ENTREP1: variants seen among roughly 807,000 people sequenced by gnomAD.
ENTREP1 encodes the protein Friedreich ataxia region gene X123.
chr9:69,360,741 G>C, the ENTREP1 span, among the ~76,000 whole-genome samples: 2 of 151,924 alleles, frequency 1.3e-5, no homozygotes, highest in African/African-American at 4.8e-5. Context: ...TATCTTGGGC[G>C]TTCCCTTAAC....
At chr9:69,378,542 C>T in the ENTREP1 span, among the ~76,000 whole-genome samples, 1 of 151,800 alleles carries the variant, frequency 6.6e-6, no homozygotes, top group African/African-American at 2.4e-5. Flanking sequence ...CTGAGGCGGG[C>T]AGATCATGAG....
chr9:69,384,122 C>A, the ENTREP1 span: 1 of 851,550 alleles, frequency 1.2e-6, no homozygotes, highest in Non-Finnish European at 1.9e-6. Context: ...CTTTGGGAGG[C>A]CGAGGTGGGA....
At chr9:69,362,881 T>C in the ENTREP1 span, among the ~76,000 whole-genome samples, 4 of 152,200 alleles carry the variant, frequency 2.6e-5, no homozygotes, top group Admixed American at 2.6e-4. Flanking sequence ...TCCGAGTTCT[T>C]CAGCTTTGGG....
chr9:69,357,508 G>T, the ENTREP1 span, among the ~76,000 whole-genome samples: 4 of 152,150 alleles, frequency 2.6e-5, no homozygotes, highest in Non-Finnish European at 5.9e-5. Flanking sequence ...TCACAGCAAC[G>T]GGCCTGTGTT....
the ENTREP1 span, chr9:69,325,336 C>G: frequency 8.4e-7 from 1 of 1,184,204 alleles, no homozygotes; most frequent in East Asian, 3.6e-5. Context: ...TGCTCCCGGG[C>G]TCCTGCTGCC....
At chr9:69,328,739 C>A in the ENTREP1 span, among the ~76,000 whole-genome samples, 5 of 152,138 alleles carry the variant, frequency 3.3e-5, no homozygotes, top group Non-Finnish European at 7.4e-5. Flanking sequence ...TATTCACATG[C>A]CATACAACTT....
At chr9:69,336,317 T>A in the ENTREP1 span, 1 of 1,201,992 alleles carries the variant, frequency 8.3e-7, no homozygotes, top group East Asian at 2.4e-5. Context: ...ATGTGCTATG[T>A]ATGAAGTCTG....
chr9:69,345,911 T>C, the ENTREP1 span, among the ~76,000 whole-genome samples: 2 of 151,400 alleles, frequency 1.3e-5, no homozygotes, highest in Non-Finnish European at 2.9e-5. Flanking sequence ...GCCTACCTTC[T>C]TATTCTTATT....
At chr9:69,387,984 G>A in the ENTREP1 span, 1 of 1,489,316 alleles carries the variant, frequency 6.7e-7, no homozygotes, top group Non-Finnish European at 9.0e-7. Flanking sequence ...GGACTTCAGG[G>A]AATAACCTTG....
At chr9:69,327,320 T>C in the ENTREP1 span, among the ~76,000 whole-genome samples, 1 of 152,084 alleles carries the variant, frequency 6.6e-6, no homozygotes, top group Non-Finnish European at 1.5e-5. Context: ...CCAGACAAGG[T>C]AGGAATTAGA....
the ENTREP1 span, chr9:69,381,898 T>G: frequency 6.6e-6 from 1 of 152,228 alleles, no homozygotes; most frequent in African/African-American, 2.4e-5. Flanking sequence ...CTTTCCCCAG[T>G]TGTTCTTCGG....
chr9:69,382,931 T>C, the ENTREP1 span: 5 of 739,772 alleles, frequency 6.8e-6, no homozygotes, highest in Non-Finnish European at 8.3e-6. Context: ...CTGGCTTTTA[T>C]ATGTATTTTA....
chr9:69,328,697 G>T, the ENTREP1 span, among the ~76,000 whole-genome samples: 1 of 151,972 alleles, frequency 6.6e-6, no homozygotes, highest in South Asian at 2.1e-4. Flanking sequence ...GTTGAGAACT[G>T]CAGAATTAAA....
At chr9:69,392,052 T>A in the ENTREP1 span, 1 of 546,662 alleles carries the variant, frequency 1.8e-6, no homozygotes. Context: ...CTTCCTCTGC[T>A]GGGCCTCGCA....
At chr9:69,327,709 G>A in the ENTREP1 span, among the ~76,000 whole-genome samples, 1 of 152,094 alleles carries the variant, frequency 6.6e-6, no homozygotes, top group African/African-American at 2.4e-5. Flanking sequence ...CTTGTCTCCA[G>A]GTCTGGGCAC....
chr9:69,382,956 A>T, the ENTREP1 span: 1 of 933,802 alleles, frequency 1.1e-6, no homozygotes, highest in Non-Finnish European at 1.3e-6. Context: ...TTATTTTAAA[A>T]CTTAGGTTCA....
chr9:69,331,251 T>C, the ENTREP1 span, among the ~76,000 whole-genome samples: 1 of 152,244 alleles, frequency 6.6e-6, no homozygotes, highest in Non-Finnish European at 1.5e-5. Flanking sequence ...ACAGCAGCTT[T>C]TGATAAATGA....
chr9:69,337,251 G>T, the ENTREP1 span, among the ~76,000 whole-genome samples: 279 of 151,616 alleles, frequency 1.8e-3, no homozygotes, highest in African/African-American at 6.2e-3. Flanking sequence ...CAAGTGATCC[G>T]CCTGCCTTGG....
chr9:69,340,264 T>A, the ENTREP1 span, among the ~76,000 whole-genome samples: 1 of 152,322 alleles, frequency 6.6e-6, no homozygotes, highest in African/African-American at 2.4e-5. Flanking sequence ...AGGCAGGCTG[T>A]CCTCGTTTTT....
Sources: gnomAD v4.1 joint callset for allele counts (sites outside exome capture counted in the v4.1 genomes callset) on GRCh38, gnomAD v4.1.1 for gene constraint, MANE v1.5 for transcripts, NCBI Gene and HGNC (gene_info 2026-07-23, HGNC 2026-07-21) for gene names.